OSBP2: variants seen among roughly 807,000 people sequenced by gnomAD.
OSBP2 encodes the protein oxysterol binding protein 2.
In OSBP2, 66 loss-of-function variants were observed where a neutral mutation model predicts 96.0. The observed-to-expected ratio is 0.69, with a 90% confidence interval of 0.56 to 0.84. The LOEUF (loss-of-function observed/expected upper bound fraction) is 0.84. Ranked by LOEUF, OSBP2 falls within the 40% of genes least tolerant of loss-of-function variation. OSBP2 has a pLI of 0.00. For missense variants in OSBP2, 1,038 were observed against 1,222.7 expected (o/e 0.85, Z 2.25); for synonymous variants, 525 against 520.9 (o/e 1.01, Z -0.11).
chr22:30,801,822 A>T (rs1421504105), intron 2 of OSBP2, among the ~76,000 whole-genome samples: 1 of 152,124 alleles, frequency 6.6e-6, no homozygotes, highest in Non-Finnish European at 1.5e-5. Flanking sequence ...ACAACAAAAA[A>T]AAATCCTAGC....
chr22:30,755,617 G>T (rs545688256), intron 2 of OSBP2, among the ~76,000 whole-genome samples: 1 of 152,200 alleles, frequency 6.6e-6, no homozygotes, highest in Non-Finnish European at 1.5e-5. Context: ...CCTTCTGAGG[G>T]CATGTTGAGT....
intron 2 of OSBP2, among the ~76,000 whole-genome samples, chr22:30,855,573 G>C (rs756953135): frequency 4.6e-5 from 7 of 152,204 alleles, no homozygotes; most frequent in Non-Finnish European, 8.8e-5. Flanking sequence ...CTAAGAAAAG[G>C]GGCCTTTTAT....
chr22:30,795,536 T>TTTTTGG (rs2090745980), intron 2 of OSBP2, among the ~76,000 whole-genome samples: 1 of 137,722 alleles, frequency 7.3e-6, no homozygotes, highest in African/African-American at 2.7e-5. Flanking sequence ...TTTTTTTTTT[T>TTTTTGG]GAGATGGAGT....
intron 12 of OSBP2, among the ~76,000 whole-genome samples, chr22:30,903,092 G>A (rs576824167): frequency 3.9e-4 from 59 of 152,276 alleles, no homozygotes; most frequent in African/African-American, 1.4e-3. Flanking sequence ...GAGGATCGGA[G>A]GTGGCCATGT....
chr22:30,902,172 A>G, intron 12 of OSBP2: 1 of 675,646 alleles, frequency 1.5e-6, no homozygotes. Flanking sequence ...CCACGGCAGT[A>G]CTGGTGGCCA....
intron 1 of OSBP2, among the ~76,000 whole-genome samples, chr22:30,724,055 C>T (rs2089600666): frequency 6.6e-6 from 1 of 152,184 alleles, no homozygotes; most frequent in Non-Finnish European, 1.5e-5. Flanking sequence ...CTCCCCATCC[C>T]CTAACCCCAA....
Position 30,695,346 on chromosome 22 carries a change from C to T in OSBP2, c.437C>T (p.Ala146Val). The T allele has an allele frequency of 6.2e-7, 1 of 1,613,676 alleles. No individual in the cohort carries two copies. ...AGACCCGAGTCAGGATCGCTGCCAG[C>T]GTTAAAGCCCCTGCCTCTTCTGCGA... ...FLRPESGSLP[A>V]LKPLPLLRPG... is the part of the protein sequence containing the mutation. Residue 146 changes from alanine (A) to valine (V), a missense_variant, in exon 1 of 14, where the codon GCG (alanine) becomes GTG (valine). Around this residue, in one of 3 missense-constraint regions of OSBP2, gnomAD observed 281 missense variants for 273.4 expected, o/e 1.03. Coordinates refer to ENST00000332585, the MANE Select transcript of OSBP2 (RefSeq NM_030758.4).
At chr22:30,898,206 G>A (rs2040108964) in intron 12 of OSBP2, among the ~76,000 whole-genome samples, 1 of 151,828 alleles carries the variant, frequency 6.6e-6, no homozygotes, top group African/African-American at 2.4e-5. Context: ...TTCTTAATTA[G>A]CCAGGCATGA....
intron 2 of OSBP2, among the ~76,000 whole-genome samples, chr22:30,825,866 C>T (rs185089317): frequency 3.4e-4 from 52 of 152,202 alleles, no homozygotes; most frequent in Admixed American, 1.4e-3. Context: ...CTGATTTTCC[C>T]GGTGGAGAGA....
intron 2 of OSBP2, among the ~76,000 whole-genome samples, chr22:30,751,329 GTGTATATATATA>G (rs1332820248): frequency 6.6e-6 from 1 of 151,680 alleles, no homozygotes; most frequent in African/African-American, 2.4e-5. Context: ...TTGTGTGTGT[GTGTATATATATA>G]TGTATATATA....
chr22:30,716,524 G>A (rs1441848530), intron 1 of OSBP2, among the ~76,000 whole-genome samples: 1 of 151,544 alleles, frequency 6.6e-6, no homozygotes, highest in Non-Finnish European at 1.5e-5. Flanking sequence ...TGCAACCTCC[G>A]CCTCCCAGGT....
intron 3 of OSBP2, among the ~76,000 whole-genome samples, chr22:30,873,617 C>A (rs1163209535): frequency 6.6e-6 from 1 of 152,220 alleles, no homozygotes; most frequent in Non-Finnish European, 1.5e-5. Context: ...CCCATCCTGA[C>A]TGTGATGTGT....
chr22:30,904,937 A>G (rs1031622342), intron 12 of OSBP2, among the ~76,000 whole-genome samples: 3 of 152,086 alleles, frequency 2.0e-5, no homozygotes, highest in Non-Finnish European at 4.4e-5. Flanking sequence ...GGGGTTCAAT[A>G]CCAGCCTGGC....
chr22:30,703,250 T>G (rs1314049786), intron 1 of OSBP2, among the ~76,000 whole-genome samples: 1 of 150,918 alleles, frequency 6.6e-6, no homozygotes, highest in Non-Finnish European at 1.5e-5. Flanking sequence ...CTTGGCTCAC[T>G]GCAACCTCTG....
rs375203285 is a variant in OSBP2 at position 30,741,350 on chromosome 22, C to T, written c.834C>T (p.Arg278=). 89 of 1,610,070 alleles carry T rather than the reference C, an allele frequency of 5.5e-5. No homozygotes were observed. In the East Asian group the frequency reaches 1.5e-3, roughly 27 times the overall value. Residue 278 remains arginine (R), a synonymous_variant, in exon 2 of 14, where the codon CGC becomes CGT. Transcript: ENST00000332585. ...AGCTGGCCAAGGCCAAGGCTGTCCG[C>T]GTGATGAACACTCATTCAGGTAGTG... ...ALELAKAKAV[R]VMNTHSDDSG... is the part of the protein sequence containing the mutation.
At chr22:30,814,921 T>A (rs910887747) in intron 2 of OSBP2, among the ~76,000 whole-genome samples, 6 of 152,284 alleles carry the variant, frequency 3.9e-5, no homozygotes, top group South Asian at 2.1e-4. Context: ...AGCTTGTAGA[T>A]CTGAGCTCAG....
upstream of OSBP2, chr22:30,694,773 G>A (rs1483726360): frequency 1.4e-5 from 8 of 586,662 alleles, no homozygotes; most frequent in Admixed American, 6.5e-5. Context: ...TGACGGGCAC[G>A]GAGCGCACGG....
chr22:30,874,392 C>CA (rs1236314676), intron 3 of OSBP2, among the ~76,000 whole-genome samples: 1 of 151,872 alleles, frequency 6.6e-6, no homozygotes, highest in East Asian at 1.9e-4. Flanking sequence ...AGCCTGGCAA[C>CA]AGAGTGAGAC....
Position 30,832,457 on chromosome 22 carries a change from A to ATT in OSBP2, c.854-37962_854-37961dup, listed in dbSNP as rs542510682. On this transcript the variant is annotated intron_variant, in intron 2 of 13. Transcript: ENST00000332585. ...AGGCATGTGCCACCACACCTGGCTA[A>ATT]TTTTTTTTTTTCCTGTAAAGATGGG... Among the ~76,000 whole-genome samples the ATT allele has an allele frequency of 2.7e-5, 4 of 147,308 alleles. No homozygotes were observed. The Admixed American group carries it at 2.7e-4, about 10-fold the overall frequency.
Sources: gnomAD v4.1 joint callset for allele counts (sites outside exome capture counted in the v4.1 genomes callset) on GRCh38, gnomAD v4.1.1 for gene constraint, gnomAD v4.1.1 regional missense constraint, MANE v1.5 for transcripts, NCBI Gene and HGNC (gene_info 2026-07-23, HGNC 2026-07-21) for gene names.